INTS12: variants seen among roughly 807,000 people sequenced by gnomAD.
The protein encoded by INTS12 is integrator complex subunit 12, also known as PHD finger protein 22.
In INTS12, 13 loss-of-function variants were observed where a neutral mutation model predicts 41.6. The observed-to-expected ratio is 0.31, with a 90% CI of 0.20 to 0.50. The LOEUF (loss-of-function observed/expected upper bound fraction) is 0.50. Among genes scored for constraint, INTS12 ranks in the 20% least tolerant of loss-of-function variants. The pLI, the probability that INTS12 is intolerant of heterozygous loss-of-function variation, is 0.98. For missense variants in INTS12, 432 were observed against 541.6 expected, an observed-to-expected ratio of 0.80 and a Z score of 2.01; for synonymous variants, 199 against 191.4, an observed-to-expected ratio of 1.04 and a Z score of -0.33.
intron 1 of INTS12, among the ~76,000 whole-genome samples, chr4:105,704,682 A>G (rs1732203181): frequency 6.6e-6 from 1 of 152,218 alleles, no homozygotes. Flanking sequence ...TCTCCAACAG[A>G]GCCACTCATA....
At position 105,689,014 on chromosome 4, in the gene INTS12, C is replaced by T. The variant is rs562824862; in HGVS notation, c.658-2176G>A. Among the ~76,000 whole-genome samples, 6 of 152,354 alleles carry T rather than the reference C, an allele frequency of 3.9e-5. No homozygotes were observed. In the South Asian group the frequency reaches 1.2e-3, roughly 32 times the overall value. On this transcript the variant is annotated intron_variant, in intron 6 of 7. Transcript: ENST00000340139. ...AAATGTATAAAATTCTCCACTAAGG[C>T]ACTAACTGCCAGAATGGCAGTACTA...
At chr4:105,704,291 G>C (rs547926336) in intron 1 of INTS12, among the ~76,000 whole-genome samples, 1 of 152,230 alleles carries the variant, frequency 6.6e-6, no homozygotes, top group South Asian at 2.1e-4. Context: ...CATCTTTGTA[G>C]GTTCCTCCTA....
rs1326237681 is a variant in INTS12 at position 105,700,016 on chromosome 4, T to C, written c.-9-2A>G. 6.8e-7 allele frequency: 1 copy of C among 1,466,004 alleles called. No individual in the cohort carries two copies. Among genetic ancestry groups the C allele is most frequent in the Non-Finnish European group, 9.1e-7 (1 of 1,094,008 alleles). The allele number at this position is 1,466,004 out of a possible 1,614,324, so 90.8% of individuals were successfully genotyped here. On this transcript the variant is annotated splice_acceptor_variant, in intron 2 of 7. Transcript: ENST00000340139. LOFTEE classifies it low-confidence loss of function (5UTR_SPLICE). ...CACAGTAGCAGCCATTGCAAACGCC[T>C]GAAGGAAAAAAAGAGAAAGTAATCT...
Position 105,693,369 on chromosome 4 carries a change from G to A in INTS12, c.427C>T (p.Leu143Phe). 6.2e-7 allele frequency: 1 copy of A among 1,614,006 alleles called. No individual in the cohort carries two copies. Among genetic ancestry groups the A allele is most frequent in the Non-Finnish European group, 8.5e-7 (1 of 1,179,908 alleles). ...QSSKDLPMAD[L>F]SSFEETSADD... ...GCACTGGTCTCCTCAAAACTGGAAAGGTCAGCCATAGGTAAATCCTTGCTA... is the reference window on the plus strand; with the variant it reads ...GCACTGGTCTCCTCAAAACTGGAAAAGTCAGCCATAGGTAAATCCTTGCTA... Residue 143 changes from leucine (L) to phenylalanine (F), a missense_variant, in exon 5 of 8, where the codon CTT becomes TTT. Physicochemically the swap from Leu to Phe is conservative, Grantham distance 22. Coordinates refer to ENST00000340139, the MANE Select transcript of INTS12 (RefSeq NM_020395.4).
intron 1 of INTS12, 149 bp downstream of exon 1, chr4:105,708,489 G>C: frequency 4.1e-6 from 4 of 985,434 alleles, no homozygotes; most frequent in Non-Finnish European, 3.6e-6. Context: ...AGAGCAGTCA[G>C]TCTAGGGCAC....
intron 1 of INTS12, 41 bp downstream of exon 1, chr4:105,708,597 C>T: frequency 2.0e-6 from 2 of 985,312 alleles, no homozygotes; most frequent in South Asian, 4.7e-5. Context: ...GGGTCTCGAG[C>T]CTCCAGGAGG....
Position 105,695,600 on chromosome 4 carries a change from GGAT to G in INTS12, c.222_224del (p.Ser76del). 6.2e-7 allele frequency: 1 copy of G among 1,613,178 alleles called. No homozygotes were observed. Among genetic ancestry groups the G allele is most frequent in the Non-Finnish European group, 8.5e-7 (1 of 1,179,586 alleles). On this transcript the variant is annotated inframe_deletion, in exon 4 of 8. Transcript: ENST00000340139. Reference sequence around the variant, plus strand: ...CATTATTATTACCAGAAGGAAGACTGGATGATATTTTGGGCTCTTGCTTAATGG... The same window carrying G: ...CATTATTATTACCAGAAGGAAGACTGGATATTTTGGGCTCTTGCTTAATGG...
intron 1 of INTS12, among the ~76,000 whole-genome samples, chr4:105,706,935 C>T (rs1732288755): frequency 6.6e-6 from 1 of 151,934 alleles, no homozygotes; most frequent in Admixed American, 6.6e-5. Context: ...TTCCTGAAAC[C>T]CAGTTTTCTT....
chr4:105,695,586 C>G lies in INTS12; in HGVS notation c.239G>C (p.Gly80Ala). 1 of 1,613,054 alleles carries G rather than the reference C, an allele frequency of 6.2e-7. No individual in the cohort carries two copies. Among genetic ancestry groups the G allele is most frequent in the Non-Finnish European group, 8.5e-7 (1 of 1,179,492 alleles). ...EPKISSSLPSGNNNGKVLTTE... is the reference protein window; with the variant it reads ...EPKISSSLPSANNNGKVLTTE... ...TGTGAGGACCTTGCCATTATTATTACCAGAAGGAAGACTGGATGATATTTT... is the reference window on the plus strand; with the variant it reads ...TGTGAGGACCTTGCCATTATTATTAGCAGAAGGAAGACTGGATGATATTTT... Residue 80 changes from glycine (G) to alanine (A), a missense_variant, in exon 4 of 8, where the codon GGT becomes GCT. Coordinates refer to ENST00000340139, the MANE Select transcript of INTS12 (RefSeq NM_020395.4).
chr4:105,689,497 C>T (rs1731610942), intron 6 of INTS12, among the ~76,000 whole-genome samples: 1 of 152,130 alleles, frequency 6.6e-6, no homozygotes, highest in South Asian at 2.1e-4. Flanking sequence ...TTGGTATTTC[C>T]CCACATTTGC....
intron 7 of INTS12, among the ~76,000 whole-genome samples, chr4:105,683,615 A>T (rs753783470): frequency 6.6e-6 from 1 of 152,218 alleles, no homozygotes; most frequent in Non-Finnish European, 1.5e-5. Flanking sequence ...AACCAGATTT[A>T]GTGCTTTAAC....
chr4:105,689,213 TC>T (rs1193711951), intron 6 of INTS12, among the ~76,000 whole-genome samples: 1 of 152,214 alleles, frequency 6.6e-6, no homozygotes, highest in Non-Finnish European at 1.5e-5. Context: ...CCATACACGA[TC>T]ACAACATTCT....
At chr4:105,684,573 T>A (rs1413558352) in intron 7 of INTS12, among the ~76,000 whole-genome samples, 1 of 152,112 alleles carries the variant, frequency 6.6e-6, no homozygotes, top group Non-Finnish European at 1.5e-5. Context: ...ATTCGATTTA[T>A]AAGAGAAGGA....
chr4:105,691,498 A>G (rs1731682178), intron 6 of INTS12, among the ~76,000 whole-genome samples: 1 of 152,236 alleles, frequency 6.6e-6, no homozygotes, highest in Admixed American at 6.5e-5. Flanking sequence ...AGAAGGAAAG[A>G]CTAAGCAACA....
At chr4:105,703,151 T>C in intron 2 of INTS12, 1 of 290,228 alleles carries the variant, frequency 3.4e-6, no homozygotes, top group Non-Finnish European at 5.1e-6. Flanking sequence ...TCATTCTTAC[T>C]ATGGATTAGA....
At position 105,682,913 on chromosome 4, in the gene INTS12, C is replaced by T. The variant is rs145174807; in HGVS notation, c.1209G>A (p.Gly403=). The T allele has an allele frequency of 4.2e-3, 6,818 of 1,614,062 alleles. 17 individuals carry two copies. Among genetic ancestry groups the T allele is most frequent in the Non-Finnish European group, 5.0e-3 (5,930 of 1,179,954 alleles). The change falls in exon 8 of 8, where the codon GGG becomes GGA. Residue 403 remains glycine (G), a synonymous_variant. Transcript: ENST00000340139. ...GTCCTGATGTTCCACTATTTCCATT[C>T]CCACTTAGTTGGCTGCTGCTTCCTG... is the stretch of plus-strand genomic sequence containing the variant. ...LVPGSSSQLS[G]NGNSGTSGPS...
At chr4:105,687,290 G>T (rs2149178202) in intron 6 of INTS12, among the ~76,000 whole-genome samples, 1 of 152,144 alleles carries the variant, frequency 6.6e-6, no homozygotes, top group South Asian at 2.1e-4. Context: ...CATTTATATG[G>T]TTTTAAATAT....
chr4:105,693,348 TG>T lies in INTS12; in HGVS notation c.447del (p.Ser150ValfsTer19), dbSNP rs1205687383. 2 of 1,613,790 alleles carry T rather than the reference TG, an allele frequency of 1.2e-6. No homozygotes were observed. Among genetic ancestry groups the T allele is most frequent in the Non-Finnish European group, 1.7e-6 (2 of 1,179,746 alleles). On this transcript the variant is annotated frameshift_variant, in exon 5 of 8. Coordinates refer to ENST00000340139, the MANE Select transcript of INTS12 (RefSeq NM_020395.4). LOFTEE classifies it high-confidence loss of function. ...PMADLSSFEE[T>X]SADDFAMEMG... The stretch of plus-strand genomic sequence containing the variant: ...ATCTCCATGGCAAAATCATCAGCAC[TG>T]GTCTCCTCAAAACTGGAAAGGTCAG...
chr4:105,686,874 C>A (rs1260452986), intron 6 of INTS12, 36 bp from the exon 7 acceptor site: 7 of 1,585,534 alleles, frequency 4.4e-6, no homozygotes, highest in African/African-American at 1.3e-5. Flanking sequence ...GATACAAAAT[C>A]TTAACTGAAT....
Sources: gnomAD v4.1 joint callset for allele counts (sites outside exome capture counted in the v4.1 genomes callset) on GRCh38, gnomAD v4.1.1 for gene constraint, MANE v1.5 for transcripts, NCBI Gene and HGNC (gene_info 2026-07-23, HGNC 2026-07-21) for gene names.